ZCCHC2: variants seen among roughly 807,000 people sequenced by gnomAD.
The protein encoded by ZCCHC2 is zinc finger CCHC-type containing 2.
Under a neutral mutation model 103.6 loss-of-function variants are expected in ZCCHC2, and 39 were observed. The observed-to-expected ratio is 0.38, with a 90% CI of 0.29 to 0.49. The LOEUF (loss-of-function observed/expected upper bound fraction) is 0.49, where lower values mean the gene tolerates loss of function less well. ZCCHC2 is among the 20% of genes least tolerant of loss of function. ZCCHC2 has a pLI of 0.96. For missense variants in ZCCHC2, 1,483 were observed against 1,491.0 expected, an observed-to-expected ratio of 0.99 and a Z score of 0.09; for synonymous variants, 687 against 608.9, an observed-to-expected ratio of 1.13 and a Z score of -1.89.
At position 62,524,253 on chromosome 18, in the gene ZCCHC2, C is replaced by CGG. The variant is rs1356769415; in HGVS notation, c.831_832dup (p.Val278GlyfsTer4). On this transcript the variant is annotated frameshift_variant, in exon 1 of 14. Transcript: ENST00000269499. LOFTEE classifies it high-confidence loss of function. The stretch of plus-strand genomic sequence containing the variant: ...GCACCCGGCTTTCTCCTTCCACCAG[C>CGG]GGGTCACCCTGAGGGAACACTTGGA... 1 of 1,550,036 alleles carries CGG rather than the reference C, an allele frequency of 6.5e-7. No individual in the cohort carries two copies. Among genetic ancestry groups the CGG allele is most frequent in the Non-Finnish European group, 8.7e-7 (1 of 1,146,714 alleles).
In ZCCHC2 at chr18:62,523,378, C is replaced by CGCG; in HGVS notation, c.-47_-46insGCG. On this transcript the variant is annotated 5_prime_UTR_variant, in exon 1 of 14. Transcript: ENST00000269499. ...CTCGGCCCGTGCTCCACCTCGCGGCCCCTCCCGCCCGCCCCCGCTCGCATG... is the reference window on the plus strand; with the variant it reads ...CTCGGCCCGTGCTCCACCTCGCGGCCGCGCCTCCCGCCCGCCCCCGCTCGCATG... 1 of 234,532 alleles carries CGCG rather than the reference C, an allele frequency of 4.3e-6. No individual in the cohort carries two copies. Among genetic ancestry groups the CGCG allele is most frequent in the Non-Finnish European group, 7.0e-6 (1 of 143,358 alleles). The allele number at this position is 234,532 out of a possible 1,614,324, so 14.5% of individuals were successfully genotyped here.
intron 3 of ZCCHC2, among the ~76,000 whole-genome samples, chr18:62,543,526 C>G (rs1178844502): frequency 6.6e-6 from 1 of 152,176 alleles, no homozygotes; most frequent in Non-Finnish European, 1.5e-5. Flanking sequence ...GCTCTTTACT[C>G]TCCACGCTCA....
Position 62,575,147 on chromosome 18 carries a change from G to A in ZCCHC2, c.3066G>A (p.Gly1022=), listed in dbSNP as rs549652361. ...CGSCGRRCSC[G]TNGNLQLNSY... ...CTTGTGGGCGAAGGTGCAGCTGTGG[G>A]ACCAATGGAAACCTTCAGCTAAATA... is the stretch of plus-strand genomic sequence containing the variant. Residue 1022 remains glycine, a synonymous_variant, in exon 13 of 14, where the codon GGG becomes GGA. Transcript: ENST00000269499. 43 of 1,614,010 alleles carry A rather than the reference G, an allele frequency of 2.7e-5. No individual in the cohort carries two copies. In the South Asian group the frequency reaches 4.5e-4, roughly 17 times the overall value.
chr18:62,554,311 T>C (rs1309229580), intron 5 of ZCCHC2, among the ~76,000 whole-genome samples: 1 of 152,226 alleles, frequency 6.6e-6, no homozygotes, highest in African/African-American at 2.4e-5. Flanking sequence ...GATACAGATC[T>C]TGGTTGGTAC....
chr18:62,558,719 A>T lies in ZCCHC2; in HGVS notation c.1441A>T (p.Ile481Leu). The T allele has an allele frequency of 6.5e-7, 1 of 1,549,258 alleles. No homozygotes were observed. The highest frequency in any genetic ancestry group is 1.2e-5 in the South Asian group (1 of 82,916). The change falls in exon 7 of 14, where the codon ATA (isoleucine) becomes TTA (leucine). Residue 481 changes from isoleucine to leucine, a missense_variant. This residue lies in a region of ZCCHC2 where 884 missense variants were observed against 907.5 expected (regional missense o/e 0.97). Coordinates refer to ENST00000269499, the MANE Select transcript of ZCCHC2 (RefSeq NM_017742.6). ...ACAATCCTCTCTGAAGACTTCTAAG[A>T]TATTAGAACACTTAAAAGAAGACAG... ...NLQSSLKTSK[I>L]LEHLKEDSSE...
intron 1 of ZCCHC2, among the ~76,000 whole-genome samples, chr18:62,538,822 A>G (rs1019351745): frequency 2.6e-5 from 4 of 152,190 alleles, no homozygotes; most frequent in African/African-American, 9.7e-5. Context: ...CTATTTGCCT[A>G]ATTTTTTACA....
chr18:62,544,767 A>G, intron 3 of ZCCHC2, 35 bp from the exon 4 acceptor site: 1 of 1,510,200 alleles, frequency 6.6e-7, no homozygotes, highest in Non-Finnish European at 8.9e-7. Context: ...TGCCTAGGGA[A>G]TAACCATATA....
At chr18:62,573,563 A>AAAC (rs544752136) in intron 12 of ZCCHC2, among the ~76,000 whole-genome samples, 177 of 152,334 alleles carry the variant, frequency 1.2e-3, no homozygotes, top group African/African-American at 4.1e-3. Flanking sequence ...ATTCTAAAAA[A>AAAC]AACAACAACA....
Position 62,574,385 on chromosome 18 carries a change from C to A in ZCCHC2, c.2304C>A (p.Thr768=). ...ISAIRESANS[T]PVGILGPTAC... is the part of the protein sequence containing the mutation. ...CAATAAGGGAGTCTGCAAATTCAAC[C>A]CCTGTTGGAATACTAGGGCCAACAG... The change falls in exon 13 of 14, where the codon ACC becomes ACA. Residue 768 remains threonine, a synonymous_variant. Transcript: ENST00000269499. The A allele has an allele frequency of 1.9e-6, 3 of 1,614,010 alleles. No individual in the cohort carries two copies. The highest frequency in any genetic ancestry group is 2.5e-6 in the Non-Finnish European group (3 of 1,179,888).
At chr18:62,536,534 A>G (rs549750408) in intron 1 of ZCCHC2, among the ~76,000 whole-genome samples, 8 of 152,326 alleles carry the variant, frequency 5.3e-5, no homozygotes, top group African/African-American at 1.9e-4. Flanking sequence ...CCATTAAAGA[A>G]GGAGTTCTCA....
At chr18:62,563,278 T>C (rs1916205361) in intron 9 of ZCCHC2, 134 bp downstream of exon 9, 2 of 1,032,548 alleles carry the variant, frequency 1.9e-6, no homozygotes, top group Admixed American at 2.9e-5. Context: ...TTTTAGACTT[T>C]ATACTTATAT....
intron 5 of ZCCHC2, chr18:62,551,938 T>A (rs879028503): frequency 1.3e-5 from 2 of 152,086 alleles, no homozygotes; most frequent in Non-Finnish European, 2.9e-5. Flanking sequence ...AGCAGAGGTG[T>A]GTGTCATTGA....
intron 5 of ZCCHC2, among the ~76,000 whole-genome samples, chr18:62,554,663 C>T (rs1598949728): frequency 1.3e-5 from 2 of 152,152 alleles, no homozygotes; most frequent in East Asian, 3.8e-4. Flanking sequence ...GGGACTCAGG[C>T]CTTGAATTGA....
chr18:62,556,069 T>TA, intron 5 of ZCCHC2, 134 bp from the exon 6 acceptor site: 1 of 654,510 alleles, frequency 1.5e-6, no homozygotes, highest in Non-Finnish European at 2.6e-6. Flanking sequence ...GAAAATAATA[T>TA]TCTTTTCTAT....
chr18:62,562,344 C>G (rs1242371968), intron 8 of ZCCHC2, among the ~76,000 whole-genome samples: 2 of 151,970 alleles, frequency 1.3e-5, no homozygotes, highest in Non-Finnish European at 2.9e-5. Context: ...ACATTTTTTT[C>G]AGTCTCAGTG....
Position 62,523,376 on chromosome 18 carries a change from G to GCGGCGGCC in ZCCHC2, c.-48_-47insGGCGGCCC. ...GCCTCGGCCCGTGCTCCACCTCGCGGCCCCTCCCGCCCGCCCCCGCTCGCA... is the reference window on the plus strand; with the variant it reads ...GCCTCGGCCCGTGCTCCACCTCGCGGCGGCGGCCCCCCTCCCGCCCGCCCCCGCTCGCA... On this transcript the variant is annotated 5_prime_UTR_variant, in exon 1 of 14. Transcript: ENST00000269499. 3.0e-6 allele frequency: 3 copies of GCGGCGGCC among 1,012,352 alleles called. No homozygotes were observed. Among genetic ancestry groups the GCGGCGGCC allele is most frequent in the Non-Finnish European group, 3.5e-6 (3 of 848,988 alleles). The allele number at this position is 1,012,352 out of a possible 1,614,324, so 62.7% of individuals were successfully genotyped here.
chr18:62,529,730 G>C (rs901407038), intron 1 of ZCCHC2, among the ~76,000 whole-genome samples: 1 of 152,152 alleles, frequency 6.6e-6, no homozygotes, highest in African/African-American at 2.4e-5. Flanking sequence ...GTATACCATG[G>C]TGGGAGGCGG....
At position 62,574,071 on chromosome 18, in the gene ZCCHC2, T is replaced by A; in HGVS notation, c.1990T>A (p.Ser664Thr). 1 of 1,613,236 alleles carries A rather than the reference T, an allele frequency of 6.2e-7. No homozygotes were observed. The highest frequency in any genetic ancestry group is 2.2e-5 in the East Asian group (1 of 44,868). ...EEKDRDTDSN[S>T]EDSGNPSTTR... is the part of the protein sequence containing the mutation. Reference sequence around the variant, plus strand: ...GTTTTCTTTAGACACAGACAGCAATTCTGAGGATTCTGGGAATCCATCAAC... The same window carrying A: ...GTTTTCTTTAGACACAGACAGCAATACTGAGGATTCTGGGAATCCATCAAC... The change falls in exon 13 of 14, where the codon TCT (serine) becomes ACT (threonine). Residue 664 changes from serine (S) to threonine (T), a missense_variant. This residue lies in a region of ZCCHC2 where 884 missense variants were observed against 907.5 expected (regional missense o/e 0.97). Transcript: ENST00000269499.
chr18:62,525,268 T>C (rs1161923999), intron 1 of ZCCHC2: 1 of 152,200 alleles, frequency 6.6e-6, no homozygotes, highest in Non-Finnish European at 1.5e-5. Flanking sequence ...ATGAATTTTT[T>C]TTACAGCCAT....
Sources: gnomAD v4.1 joint callset for allele counts (sites outside exome capture counted in the v4.1 genomes callset) on GRCh38, gnomAD v4.1.1 for gene constraint, gnomAD v4.1.1 regional missense constraint, MANE v1.5 for transcripts, NCBI Gene and HGNC (gene_info 2026-07-23, HGNC 2026-07-21) for gene names.